Variants in DEUP1 observed in about 807,000 individuals in gnomAD.
The protein encoded by DEUP1 is coiled-coil domain containing 67.
Under a neutral mutation model 87.4 loss-of-function variants are expected in DEUP1, and 82 were observed. The ratio of observed to expected loss-of-function variants is 0.94; its 90% CI spans 0.78 to 1.13. DEUP1 has a LOEUF of 1.13. DEUP1 is among the 50% of genes most tolerant of loss of function. The pLI, the probability that DEUP1 is intolerant of heterozygous loss-of-function variation, is 0.00. For missense variants in DEUP1, 663 were observed against 681.5 expected, an observed-to-expected ratio of 0.97 and a Z score of 0.30; for synonymous variants, 214 against 222.7, an observed-to-expected ratio of 0.96 and a Z score of 0.35.
At position 93,371,415 on chromosome 11, in the gene DEUP1, G is replaced by A. The variant is rs548291248; in HGVS notation, c.789+135G>A. On this transcript the variant is annotated intron_variant, in intron 7 of 13. Coordinates refer to ENST00000298050, the MANE Select transcript of DEUP1 (RefSeq NM_181645.4). ...AAGATTCCATTCATATTTCCTCTTA[G>A]TAATTCGCACTTGATGCGTAGATTC... 22 of 994,320 alleles carry A rather than the reference G, an allele frequency of 2.2e-5. No homozygotes were observed. The East Asian group carries it at 3.2e-4, about 15-fold the overall frequency. 61.6% of individuals were successfully genotyped at this position (994,320 alleles called of 1,614,324 possible).
intron 5 of DEUP1, among the ~76,000 whole-genome samples, chr11:93,364,928 AC>A (rs1945342821): frequency 6.6e-6 from 1 of 152,118 alleles, no homozygotes; most frequent in Non-Finnish European, 1.5e-5. Context: ...GAAAAAACAA[AC>A]CAGCTATTTT....
chr11:93,390,432 A>T lies in DEUP1; in HGVS notation c.1041+1307A>T, dbSNP rs537568027. 3.3e-5 allele frequency among the ~76,000 whole-genome samples: 5 copies of T among 152,320 alleles called. No individual in the cohort carries two copies. In the East Asian group the frequency reaches 9.6e-4, roughly 29 times the overall value. ...AACTAACAGAGGTTAAGTAGAGAAA[A>T]GGTGTTATGAATCAGTGATCATTTT... is the stretch of plus-strand genomic sequence containing the variant. On this transcript the variant is annotated intron_variant, in intron 9 of 13. Coordinates refer to ENST00000298050, the MANE Select transcript of DEUP1 (RefSeq NM_181645.4).
chr11:93,416,076 A>G (rs539932304), intron 13 of DEUP1, among the ~76,000 whole-genome samples: 1 of 152,250 alleles, frequency 6.6e-6, no homozygotes, highest in Non-Finnish European at 1.5e-5. Flanking sequence ...CCGCCAAACT[A>G]TTTTCCTGTA....
intron 2 of DEUP1, among the ~76,000 whole-genome samples, chr11:93,343,905 G>A (rs1944199602): frequency 6.6e-6 from 1 of 152,116 alleles, no homozygotes; most frequent in South Asian, 2.1e-4. Flanking sequence ...TATTGCAAAT[G>A]AGGGAAATGA....
chr11:93,432,401 G>A (rs1016988645), intron 13 of DEUP1, among the ~76,000 whole-genome samples: 2 of 152,166 alleles, frequency 1.3e-5, no homozygotes, highest in South Asian at 2.1e-4. Context: ...AGGCCACAAC[G>A]TAATGAGTAA....
intron 2 of DEUP1, among the ~76,000 whole-genome samples, chr11:93,345,902 T>C (rs1944325913): frequency 6.6e-6 from 1 of 152,224 alleles, no homozygotes; most frequent in Non-Finnish European, 1.5e-5. Flanking sequence ...GCTATTGCTT[T>C]CGGTGTCTTT....
At chr11:93,363,339 G>T (rs1013006168) in intron 4 of DEUP1, among the ~76,000 whole-genome samples, 4 of 151,758 alleles carry the variant, frequency 2.6e-5, no homozygotes, top group Admixed American at 1.3e-4. Context: ...TGATAAAATG[G>T]CATAGAACTA....
At chr11:93,360,422 G>A (rs1471428989) in intron 4 of DEUP1, among the ~76,000 whole-genome samples, 2 of 152,102 alleles carry the variant, frequency 1.3e-5, no homozygotes, top group Admixed American at 1.3e-4. Flanking sequence ...ATTATAGAAA[G>A]AACCAAGAAG....
intron 5 of DEUP1, among the ~76,000 whole-genome samples, chr11:93,366,218 TA>T (rs2134248912): frequency 6.6e-6 from 1 of 152,272 alleles, no homozygotes; most frequent in East Asian, 1.9e-4. Context: ...TGATGGTAGT[TA>T]AACTGGGTGA....
chr11:93,415,196 A>G (rs907753979), intron 13 of DEUP1, 82 bp downstream of exon 13: 2 of 835,954 alleles, frequency 2.4e-6, no homozygotes, highest in Admixed American at 2.3e-5. Flanking sequence ...ACTGACGTAC[A>G]TAGTAGTTCG....
chr11:93,383,046 T>C (rs186139000), intron 7 of DEUP1, among the ~76,000 whole-genome samples: 1 of 152,296 alleles, frequency 6.6e-6, no homozygotes, highest in East Asian at 1.9e-4. Context: ...TAAAAATAAA[T>C]TATCTGGGAA....
intron 4 of DEUP1, among the ~76,000 whole-genome samples, chr11:93,357,674 T>C (rs12277063): frequency 0.23 from 35,446 of 152,104 alleles, 4,533 homozygotes; most frequent in South Asian, 0.38. Flanking sequence ...CTTAACTTAG[T>C]GAATGAATCA....
At chr11:93,378,800 G>A (rs1386049778) in intron 7 of DEUP1, among the ~76,000 whole-genome samples, 2 of 152,062 alleles carry the variant, frequency 1.3e-5, no homozygotes, top group African/African-American at 4.8e-5. Context: ...ACTTTCCCTA[G>A]GGATGGATTC....
At chr11:93,434,689 C>T (rs1948191211) in intron 13 of DEUP1, among the ~76,000 whole-genome samples, 1 of 152,170 alleles carries the variant, frequency 6.6e-6, no homozygotes, top group African/African-American at 2.4e-5. Flanking sequence ...ACCTGTAGAA[C>T]AACAGAGCCT....
chr11:93,418,607 T>A (rs1221517020), intron 13 of DEUP1, among the ~76,000 whole-genome samples: 1 of 151,726 alleles, frequency 6.6e-6, no homozygotes, highest in Non-Finnish European at 1.5e-5. Flanking sequence ...GTTCAACCAT[T>A]GTGGAAGTCA....
In DEUP1 at chr11:93,377,457, T is replaced by G. The variant is rs183759776; in HGVS notation, c.789+6177T>G. On this transcript the variant is annotated intron_variant, in intron 7 of 13. Transcript: ENST00000298050. ...GCTCCTGCTTGCTTTTGGTGTCCAT[T>G]TGCATGGAATATCTTTGTCTGCCCC... Among the ~76,000 whole-genome samples, 445 of 152,290 alleles carry G rather than the reference T, an allele frequency of 2.9e-3. 5 individuals carry two copies. Among genetic ancestry groups the G allele is most frequent in the Non-Finnish European group, 4.0e-3 (269 of 68,014 alleles).
At chr11:93,358,270 T>C (rs1430363856) in intron 4 of DEUP1, among the ~76,000 whole-genome samples, 2 of 152,226 alleles carry the variant, frequency 1.3e-5, no homozygotes, top group Non-Finnish European at 2.9e-5. Context: ...CAAGCAGTCA[T>C]TTAATATATG....
At chr11:93,428,428 C>T (rs1565353648) in intron 13 of DEUP1, among the ~76,000 whole-genome samples, 1 of 149,670 alleles carries the variant, frequency 6.7e-6, no homozygotes, top group Non-Finnish European at 1.5e-5. Flanking sequence ...GGGAACATCA[C>T]ACTCTGGAGA....
chr11:93,428,217 T>C (rs1436795129), intron 13 of DEUP1, among the ~76,000 whole-genome samples: 1 of 152,042 alleles, frequency 6.6e-6, no homozygotes, highest in African/African-American at 2.4e-5. Flanking sequence ...AATGATAGAC[T>C]GGATTAAGAA....
Sources: gnomAD v4.1 joint callset for allele counts (sites outside exome capture counted in the v4.1 genomes callset) on GRCh38, gnomAD v4.1.1 for gene constraint, MANE v1.5 for transcripts, NCBI Gene and HGNC (gene_info 2026-07-23, HGNC 2026-07-21) for gene names.